CACHD1: variants seen among roughly 807,000 people sequenced by gnomAD.
CACHD1 encodes VWFA and cache domain-containing protein 1.
In CACHD1, 71 loss-of-function variants were observed where a neutral mutation model predicts 138.7. The ratio of observed to expected loss-of-function variants is 0.51; its 90% CI spans 0.42 to 0.62. CACHD1 has a LOEUF of 0.62. Ranked by LOEUF, CACHD1 falls within the 20% of genes least tolerant of loss-of-function variation. CACHD1 has a pLI of 0.00. For missense variants in CACHD1, 1,389 were observed against 1,625.3 expected, an observed-to-expected ratio of 0.85 and a Z score of 2.50; for synonymous variants, 578 against 591.5, an observed-to-expected ratio of 0.98 and a Z score of 0.33.
chr1:64,625,380 A>T (rs1648059647), intron 4 of CACHD1, among the ~76,000 whole-genome samples: 1 of 152,146 alleles, frequency 6.6e-6, no homozygotes, highest in East Asian at 1.9e-4. Context: ...TAATCCCAGC[A>T]CTTTGGGAGG....
Position 64,652,273 on chromosome 1 carries a change from C to G in CACHD1, c.1503C>G (p.Asp501Glu). 2 of 1,613,452 alleles carry G rather than the reference C, an allele frequency of 1.2e-6. No homozygotes were observed. Among genetic ancestry groups the G allele is most frequent in the Non-Finnish European group, 1.7e-6 (2 of 1,179,740 alleles). ...TTGAAGACGTGACGTATTACCAAGA[C>G]TCTTTGGCTTCCTATACTTTTCTCA... ...YILEDVTYYQ[D>E]SLASYTFLID... Residue 501 changes from aspartate to glutamate, a missense_variant, in exon 10 of 27, where the codon GAC (aspartate) becomes GAG (glutamate). By Grantham distance (45) the Asp-to-Glu change is conservative. Coordinates refer to ENST00000651257, the MANE Select transcript of CACHD1 (RefSeq NM_020925.4).
intron 3 of CACHD1, among the ~76,000 whole-genome samples, chr1:64,598,710 C>T (rs1647182272): frequency 6.6e-6 from 1 of 151,832 alleles, no homozygotes; most frequent in African/African-American, 2.4e-5. Context: ...GAATTTCAAC[C>T]CCATGTAACT....
At chr1:64,527,301 T>C (rs1027919807) in intron 1 of CACHD1, among the ~76,000 whole-genome samples, 1 of 152,194 alleles carries the variant, frequency 6.6e-6, no homozygotes, top group Non-Finnish European at 1.5e-5. Context: ...CTTGCTGGCA[T>C]TTCTAAAGAG....
At chr1:64,500,026 GT>G (rs1195100002) in intron 1 of CACHD1, among the ~76,000 whole-genome samples, 3 of 152,162 alleles carry the variant, frequency 2.0e-5, no homozygotes, top group Non-Finnish European at 4.4e-5. Context: ...CATCTTTCTG[GT>G]TTAATATGTC....
intron 1 of CACHD1, among the ~76,000 whole-genome samples, chr1:64,545,562 A>G (rs1287797995): frequency 2.6e-5 from 4 of 152,234 alleles, no homozygotes; most frequent in Non-Finnish European, 2.9e-5. Context: ...TCATCACTGA[A>G]TATTCTGTTA....
chr1:64,634,730 C>G (rs928435105), intron 7 of CACHD1, among the ~76,000 whole-genome samples: 1 of 152,038 alleles, frequency 6.6e-6, no homozygotes. Context: ...TGCGGTGGCT[C>G]ACGCCTATAA....
At chr1:64,634,426 C>T (rs1464253342) in intron 7 of CACHD1, among the ~76,000 whole-genome samples, 166 bp downstream of exon 7, 1 of 151,394 alleles carries the variant, frequency 6.6e-6, no homozygotes, top group East Asian at 1.9e-4. Context: ...TTGCTCTGTC[C>T]AAGCTGGAAT....
chr1:64,664,820 T>G (rs1368958153), intron 15 of CACHD1, 141 bp downstream of exon 15: 1 of 693,522 alleles, frequency 1.4e-6, no homozygotes, highest in Non-Finnish European at 2.3e-6. Flanking sequence ...CTGAATAGTT[T>G]TTTCAGTGCA....
intron 3 of CACHD1, among the ~76,000 whole-genome samples, chr1:64,592,660 G>A (rs905167014): frequency 6.6e-6 from 1 of 152,156 alleles, no homozygotes; most frequent in African/African-American, 2.4e-5. Flanking sequence ...ACCATGGTGG[G>A]CTTGAAACAC....
chr1:64,639,832 T>G (rs1012089823), intron 7 of CACHD1, among the ~76,000 whole-genome samples: 1 of 152,264 alleles, frequency 6.6e-6, no homozygotes, highest in African/African-American at 2.4e-5. Context: ...TCTCATAGTT[T>G]CTGTACTTCA....
chr1:64,506,185 C>G (rs182583164), intron 1 of CACHD1: 2 of 152,344 alleles, frequency 1.3e-5, no homozygotes, highest in East Asian at 3.9e-4. Context: ...ACCTGTCAGA[C>G]TGGACTGCCA....
chr1:64,559,151 T>G (rs1646820089), intron 2 of CACHD1, among the ~76,000 whole-genome samples: 1 of 152,232 alleles, frequency 6.6e-6, no homozygotes, highest in Non-Finnish European at 1.5e-5. Context: ...ATTGGGTATA[T>G]ACCCAGAGGA....
At chr1:64,626,039 T>C (rs534450679) in intron 4 of CACHD1, among the ~76,000 whole-genome samples, 1 of 152,324 alleles carries the variant, frequency 6.6e-6, no homozygotes, top group South Asian at 2.1e-4. Context: ...CATAAGTTTC[T>C]GGGAGTGGGC....
chr1:64,470,800 C>A lies in CACHD1; in HGVS notation c.56C>A (p.Pro19His). 3 of 1,291,150 alleles carry A rather than the reference C, an allele frequency of 2.3e-6. No individual in the cohort carries two copies. The highest frequency in any genetic ancestry group is 2.0e-5 in the Admixed American group (1 of 49,376). The allele number at this position is 1,291,150 out of a possible 1,614,324, so 80.0% of individuals were successfully genotyped here. ...GCCGTGGCCCGGGCGCGGCGGCCGC[C>A]CCTCTGGCTGCTCTGCCTGGTCGCG... is the stretch of plus-strand genomic sequence containing the variant. ...ETAVARARRPPLWLLCLVACW... is the reference protein window; with the variant it reads ...ETAVARARRPHLWLLCLVACW... Residue 19 changes from proline (P) to histidine (H), a missense_variant, in exon 1 of 27, where the codon CCC becomes CAC. By Grantham distance (77) the Pro-to-His change is moderately conservative. Around this residue, in one of 5 missense-constraint regions of CACHD1, gnomAD observed 1,000 missense variants for 1,114.7 expected, o/e 0.90. Transcript: ENST00000651257. The surrounding 1 kb of genome is among the most constrained non-coding windows in gnomAD (Gnocchi z 5.2).
At chr1:64,475,204 A>C (rs983026832) in intron 1 of CACHD1, among the ~76,000 whole-genome samples, 11 of 132,262 alleles carry the variant, frequency 8.3e-5, no homozygotes, top group Non-Finnish European at 1.6e-4. Flanking sequence ...AAGAGACAGG[A>C]TCTTTGCTCT....
Position 64,686,587 on chromosome 1 carries a change from T to G in CACHD1, c.3586+4481T>G, listed in dbSNP as rs992183505. The stretch of plus-strand genomic sequence containing the variant: ...GAAACAATTACTACCTGTGTGTGTT[T>G]TCAACTATCTATCTGCTTTGCCCAT... On this transcript the variant is annotated intron_variant, in intron 26 of 26. Coordinates refer to ENST00000651257, the MANE Select transcript of CACHD1 (RefSeq NM_020925.4). Among the ~76,000 whole-genome samples the G allele has an allele frequency of 2.0e-5, 3 of 152,204 alleles. No individual in the cohort carries two copies. The South Asian group carries it at 6.2e-4, about 32-fold the overall frequency.
chr1:64,533,032 A>G (rs1646601571), intron 1 of CACHD1, among the ~76,000 whole-genome samples: 1 of 152,194 alleles, frequency 6.6e-6, no homozygotes, highest in Admixed American at 6.5e-5. Flanking sequence ...TGAATATGTG[A>G]GGCTGGAGTT....
intron 4 of CACHD1, among the ~76,000 whole-genome samples, chr1:64,610,064 C>A (rs1359433849): frequency 2.0e-5 from 3 of 152,026 alleles, no homozygotes; most frequent in Non-Finnish European, 2.9e-5. Flanking sequence ...GAGGAAAAGC[C>A]CCTTATAAAA....
chr1:64,590,585 T>G (rs2100554631), intron 3 of CACHD1, among the ~76,000 whole-genome samples: 1 of 152,310 alleles, frequency 6.6e-6, no homozygotes, highest in Admixed American at 6.5e-5. Flanking sequence ...ATTCCTGTAC[T>G]TAGCTCTTTA....
Sources: allele counts gnomAD v4.1 joint callset (sites outside exome capture counted in the v4.1 genomes callset), GRCh38; gene constraint gnomAD v4.1.1; regional missense constraint gnomAD v4.1.1; non-coding constraint Gnocchi (gnomAD v3.1); transcripts MANE v1.5; gene names NCBI Gene and HGNC (gene_info 2026-07-23, HGNC 2026-07-21).